Variants in GEM observed in about 807,000 individuals in gnomAD.
The protein encoded by GEM is GTP binding protein overexpressed in skeletal muscle.
GEM carries 31 observed loss-of-function variants against 33.0 expected under a neutral mutation model. The ratio of observed to expected loss-of-function variants is 0.94; its 90% CI spans 0.71 to 1.27. The LOEUF is 1.27. GEM is among the 50% of genes most tolerant of loss of function. GEM has a pLI of 0.00. For missense variants in GEM, 354 were observed against 390.5 expected (o/e 0.91, Z 0.79); for synonymous variants, 141 against 143.7 (o/e 0.98, Z 0.13).
At chr8:94,253,264 T>C (rs1563605983) in intron 2 of GEM, 152 bp from the exon 3 acceptor site, 1 of 606,514 alleles carries the variant, frequency 1.6e-6, no homozygotes, top group Non-Finnish European at 3.0e-6. Flanking sequence ...CAAATTACTA[T>C]TTTTTGTCAC....
At chr8:94,256,524 C>T (rs374410176) in intron 2 of GEM, among the ~76,000 whole-genome samples, 3 of 152,334 alleles carry the variant, frequency 2.0e-5, no homozygotes, top group East Asian at 3.9e-4. Context: ...CTCTCACTGC[C>T]AGAACTGACT....
Position 94,249,889 on chromosome 8 carries a change from C to G in GEM, c.*421G>C, listed in dbSNP as rs1808722433. ...TTAGATTCGTAGAAAGTTTTCCCTC[C>G]TTTGAAGAAACTCATTGACAGCTTT... On this transcript the variant is annotated 3_prime_UTR_variant, in exon 5 of 5. Coordinates refer to ENST00000297596, the MANE Select transcript of GEM (RefSeq NM_005261.4). 6.4e-6 allele frequency: 1 copy of G among 156,066 alleles called. No individual in the cohort carries two copies. The highest frequency in any genetic ancestry group is 2.0e-4 in the South Asian group (1 of 4,954). 9.7% of individuals were successfully genotyped at this position (156,066 alleles called of 1,614,324 possible). A position where few individuals can be genotyped will look rare whatever the true frequency, so the allele number is the denominator to read the frequency against.
Position 94,259,931 on chromosome 8 carries a change from G to C in GEM, c.331+242C>G, listed in dbSNP as rs553655417. On this transcript the variant is annotated intron_variant, in intron 2 of 4. Transcript: ENST00000297596. Reference sequence around the variant, plus strand: ...AGCCTTCCCCAACCCATTTAGAATTGGAATCTGAAGAATTCCCTTTCTGGC... The same window carrying C: ...AGCCTTCCCCAACCCATTTAGAATTCGAATCTGAAGAATTCCCTTTCTGGC... 322 of 452,874 alleles carry C rather than the reference G, an allele frequency of 7.1e-4. 2 individuals are homozygous for C. Among genetic ancestry groups the C allele is most frequent in the African/African-American group, 5.9e-3 (306 of 51,662 alleles). 28.1% of individuals were successfully genotyped at this position (452,874 alleles called of 1,614,324 possible).
In GEM at chr8:94,250,381, C is replaced by A. The variant is rs149831559; in HGVS notation, c.820G>T (p.Val274Leu). The change falls in exon 5 of 5, where the codon GTG (valine) becomes TTG (leucine). Residue 274 changes from valine to leucine, a missense_variant. Coordinates refer to ENST00000297596, the MANE Select transcript of GEM (RefSeq NM_005261.4). ...RKARRFWGKI[V>L]AKNNKNMAFK... is the part of the protein sequence containing the mutation. ...GCCATATTCTTGTTGTTTTTGGCCA[C>A]GATCTTGCCCCAGAAGCGCCTGGCT... The A allele has an allele frequency of 1.2e-6, 2 of 1,614,106 alleles. No individual in the cohort carries two copies. The highest frequency in any genetic ancestry group is 2.2e-5 in the South Asian group (2 of 91,078).
rs201686704 is a variant in GEM, at chr8:94,250,382, G to A, written c.819C>T (p.Ile273=). 21 of 1,614,102 alleles carry A rather than the reference G, an allele frequency of 1.3e-5. No homozygotes were observed. The highest frequency in any genetic ancestry group is 1.1e-4 in the East Asian group (5 of 44,884). Residue 273 remains isoleucine, a synonymous_variant, in exon 5 of 5, where the codon ATC becomes ATT. Coordinates refer to ENST00000297596, the MANE Select transcript of GEM (RefSeq NM_005261.4). ...PRKARRFWGK[I]VAKNNKNMAF... ...CCATATTCTTGTTGTTTTTGGCCAC[G>A]ATCTTGCCCCAGAAGCGCCTGGCTT...
intron 1 of GEM, among the ~76,000 whole-genome samples, chr8:94,261,698 C>G (rs1181319656): frequency 6.6e-6 from 1 of 152,134 alleles, no homozygotes; most frequent in Non-Finnish European, 1.5e-5. Context: ...CTGAAGACTC[C>G]CCTAAATGAT....
At chr8:94,261,959 A>G (rs907878733) in intron 1 of GEM, 131 bp downstream of exon 1, 1 of 152,184 alleles carries the variant, frequency 6.6e-6, no homozygotes, top group African/African-American at 2.4e-5. Context: ...CAACAAATAC[A>G]TAAAGCATCA....
In GEM at chr8:94,250,364, CTTG is replaced by C. The variant is rs1808734332; in HGVS notation, c.834_836del (p.Asn278del). 1.2e-6 allele frequency: 2 copies of C among 1,614,056 alleles called. No homozygotes were observed. The highest frequency in any genetic ancestry group is 1.7e-6 in the Non-Finnish European group (2 of 1,180,016). On this transcript the variant is annotated inframe_deletion, in exon 5 of 5. Coordinates refer to ENST00000297596, the MANE Select transcript of GEM (RefSeq NM_005261.4). ...TGGACTTGAGCTTGAAGGCCATATT[CTTG>C]TTGTTTTTGGCCACGATCTTGCCCC...
intron 2 of GEM, among the ~76,000 whole-genome samples, chr8:94,257,865 A>T (rs1309890638): frequency 3.8e-5 from 5 of 131,520 alleles, no homozygotes; most frequent in East Asian, 2.0e-4. Context: ...ATGCTGATTT[A>T]AAAAAAAAAA....
intron 4 of GEM, 26 bp from the exon 5 acceptor site, chr8:94,250,613 G>C (rs746831954): frequency 1.3e-6 from 2 of 1,597,006 alleles, no homozygotes; most frequent in South Asian, 2.3e-5. Flanking sequence ...AGAGGTCAGA[G>C]GGACTGCAGA....
Position 94,250,580 on chromosome 8 carries a change from T to C in GEM, c.621A>G (p.Arg207=). 1 of 1,611,540 alleles carries C rather than the reference T, an allele frequency of 6.2e-7. No individual in the cohort carries two copies. The highest frequency in any genetic ancestry group is 8.5e-7 in the Non-Finnish European group (1 of 1,178,100). ...RCREVSVSEG[R]ACAVVFDCKF... is the part of the protein sequence containing the mutation. ...TGCAGTCAAACACCACTGCACAGGC[T>C]CTCCCTTCTGGGAAGGAAAGAAAGA... Residue 207 remains arginine, a synonymous_variant, in exon 5 of 5, where the codon AGA becomes AGG. Coordinates refer to ENST00000297596, the MANE Select transcript of GEM (RefSeq NM_005261.4).
chr8:94,253,754 A>G (rs556787846), intron 2 of GEM, among the ~76,000 whole-genome samples: 1 of 152,276 alleles, frequency 6.6e-6, no homozygotes, highest in East Asian at 1.9e-4. Flanking sequence ...GGTAATGGAA[A>G]CTTTCCTCCC....
chr8:94,260,323 C>A lies in GEM; in HGVS notation c.181G>T (p.Asp61Tyr). ...GAGGAGATGACTGAGTCTGTGGAGTCAGAGGACCAGCTTCGGCGGCAGTGG... is the reference window on the plus strand; with the variant it reads ...GAGGAGATGACTGAGTCTGTGGAGTAAGAGGACCAGCTTCGGCGGCAGTGG... ...EDHCRRSWSSDSTDSVISSES... is the reference protein window; with the variant it reads ...EDHCRRSWSSYSTDSVISSES... Residue 61 changes from aspartate to tyrosine, a missense_variant, in exon 2 of 5, where the codon GAC becomes TAC. By Grantham distance (160) the Asp-to-Tyr change is radical. Coordinates refer to ENST00000297596, the MANE Select transcript of GEM (RefSeq NM_005261.4). 1 of 1,614,202 alleles carries A rather than the reference C, an allele frequency of 6.2e-7. No individual in the cohort carries two copies. The highest frequency in any genetic ancestry group is 1.1e-5 in the South Asian group (1 of 91,078).
chr8:94,253,228 T>G, intron 2 of GEM, 116 bp from the exon 3 acceptor site: 1 of 673,614 alleles, frequency 1.5e-6, no homozygotes, highest in Non-Finnish European at 2.7e-6. Context: ...CAATTAATTA[T>G]GTAAGTATAC....
chr8:94,253,174 G>T, intron 2 of GEM, 62 bp from the exon 3 acceptor site: 2 of 849,504 alleles, frequency 2.4e-6, no homozygotes, highest in Non-Finnish European at 4.0e-6. Context: ...TCCATAAGAG[G>T]GTCAGGTAGA....
chr8:94,253,575 G>A (rs1331213172), intron 2 of GEM, among the ~76,000 whole-genome samples: 5 of 152,156 alleles, frequency 3.3e-5, no homozygotes, highest in African/African-American at 1.2e-4. Context: ...GGAGCTTTGG[G>A]CTCAGAGACA....
chr8:94,260,126 T>C, intron 2 of GEM, 47 bp downstream of exon 2: 3 of 1,281,198 alleles, frequency 2.3e-6, no homozygotes, highest in Non-Finnish European at 2.2e-6. Context: ...TCTTTCTTCC[T>C]GGGCCACCCC....
chr8:94,261,024 C>T (rs886790242), intron 1 of GEM, among the ~76,000 whole-genome samples: 11 of 152,194 alleles, frequency 7.2e-5, no homozygotes, highest in Non-Finnish European at 5.9e-5. Context: ...ACATCACCCT[C>T]CCCTCCCCTG....
At position 94,260,415 on chromosome 8, in the gene GEM, T is replaced by C; in HGVS notation, c.89A>G (p.His30Arg). Residue 30 changes from histidine to arginine, a missense_variant, in exon 2 of 5, where the codon CAT becomes CGT. His to Arg is a conservative substitution (Grantham distance 29). Transcript: ENST00000297596. ...QRWSIPADGR[H>R]LMVQKEPHQY... ...GTGGGGCTCTTTCTGGACCATCAGATGCCTGCCATCAGCTGGGATGCTCCA... is the reference window on the plus strand; with the variant it reads ...GTGGGGCTCTTTCTGGACCATCAGACGCCTGCCATCAGCTGGGATGCTCCA... 1.2e-6 allele frequency: 2 copies of C among 1,614,056 alleles called. No homozygotes were observed. The highest frequency in any genetic ancestry group is 2.2e-5 in the South Asian group (2 of 91,074).
Sources: allele counts gnomAD v4.1 joint callset (sites outside exome capture counted in the v4.1 genomes callset), GRCh38; gene constraint gnomAD v4.1.1; transcripts MANE v1.5; gene names NCBI Gene and HGNC (gene_info 2026-07-23, HGNC 2026-07-21).